CSMD1: variants seen among roughly 807,000 people sequenced by gnomAD.
The protein encoded by CSMD1 is CUB and sushi domain-containing protein 1.
A neutral mutation model predicts 417.5 loss-of-function variants in CSMD1; 213 were observed. The ratio of observed to expected loss-of-function variants is 0.51; its 90% confidence interval spans 0.46 to 0.57. CSMD1 has a LOEUF of 0.57. Among genes scored for constraint, CSMD1 ranks in the 20% least tolerant of loss-of-function variants. CSMD1 has a pLI of 0.00. For synonymous variants in CSMD1, 2,862 were observed against 1,736.8 expected, an observed-to-expected ratio of 1.65 and a Z score of -16.11; for missense variants, 6,923 against 4,529.7, an observed-to-expected ratio of 1.53 and a Z score of -15.17.
chr8:3,462,292 C>A (rs1816555542), intron 12 of CSMD1, among the ~76,000 whole-genome samples: 1 of 152,158 alleles, frequency 6.6e-6, no homozygotes, highest in South Asian at 2.1e-4. Context: ...CATCCTAGCT[C>A]CAGACCTCCC....
At chr8:4,108,796 C>A (rs1801703166) in intron 3 of CSMD1, among the ~76,000 whole-genome samples, 1 of 152,232 alleles carries the variant, frequency 6.6e-6, no homozygotes, top group Non-Finnish European at 1.5e-5. Context: ...TTCTAAAGCA[C>A]AAGCTCCTAA....
intron 2 of CSMD1, among the ~76,000 whole-genome samples, chr8:4,596,007 T>A (rs1281769853): frequency 1.3e-5 from 2 of 152,060 alleles, no homozygotes; most frequent in Non-Finnish European, 2.9e-5. Flanking sequence ...CATAACCAGA[T>A]CCACCACTTG....
At chr8:3,468,612 T>G in intron 12 of CSMD1, 100 bp downstream of exon 12, 1 of 655,568 alleles carries the variant, frequency 1.5e-6, no homozygotes, top group Non-Finnish European at 2.6e-6. Context: ...TCAGCATTGT[T>G]TGACTTGTTG....
intron 10 of CSMD1, among the ~76,000 whole-genome samples, chr8:3,525,067 A>G (rs1280411358): frequency 1.3e-5 from 2 of 152,172 alleles, no homozygotes; most frequent in Non-Finnish European, 2.9e-5. Context: ...CTCTATCTGA[A>G]AAGCCAACTA....
intron 3 of CSMD1, among the ~76,000 whole-genome samples, chr8:4,357,992 A>T (rs1390499482): frequency 6.6e-6 from 1 of 152,140 alleles, no homozygotes; most frequent in East Asian, 1.9e-4. Flanking sequence ...TATAATAAAC[A>T]TCTCCCTCCC....
At chr8:3,215,187 A>G (rs757015158) in intron 29 of CSMD1, among the ~76,000 whole-genome samples, 1 of 152,220 alleles carries the variant, frequency 6.6e-6, no homozygotes, top group Non-Finnish European at 1.5e-5. Flanking sequence ...GCACTTTCTT[A>G]TACGAATAAC....
intron 10 of CSMD1, among the ~76,000 whole-genome samples, chr8:3,516,912 T>C (rs1372849525): frequency 6.6e-6 from 1 of 152,204 alleles, no homozygotes; most frequent in Non-Finnish European, 1.5e-5. Context: ...TGCAAAATCG[T>C]AGAACCAACC....
chr8:4,515,074 C>A (rs768668212), intron 2 of CSMD1, among the ~76,000 whole-genome samples: 7 of 152,174 alleles, frequency 4.6e-5, no homozygotes, highest in Non-Finnish European at 8.8e-5. Flanking sequence ...GCAAATGATA[C>A]TTTATAATCC....
chr8:4,783,752 G>A (rs1055201998), intron 1 of CSMD1, among the ~76,000 whole-genome samples: 1 of 152,160 alleles, frequency 6.6e-6, no homozygotes, highest in African/African-American at 2.4e-5. Context: ...CCTCTTTCTA[G>A]TAGGTCATCC....
chr8:4,886,072 C>T (rs925668926), intron 1 of CSMD1, among the ~76,000 whole-genome samples: 2 of 152,066 alleles, frequency 1.3e-5, no homozygotes, highest in Non-Finnish European at 1.5e-5. Flanking sequence ...ATCACTGCAA[C>T]CTCCGTCTCC....
intron 47 of CSMD1, among the ~76,000 whole-genome samples, chr8:3,096,326 A>G (rs1453756536): frequency 1.3e-5 from 2 of 152,156 alleles, no homozygotes; most frequent in Admixed American, 1.3e-4. Context: ...CGTGGGACAA[A>G]TCTGGTGGGA....
chr8:4,255,139 T>G (rs919595395), intron 3 of CSMD1, among the ~76,000 whole-genome samples: 1 of 152,192 alleles, frequency 6.6e-6, no homozygotes, highest in African/African-American at 2.4e-5. Flanking sequence ...GTTTTTAGCA[T>G]TAAAAGAGAT....
intron 1 of CSMD1, among the ~76,000 whole-genome samples, chr8:4,940,927 G>A (rs971102260): frequency 5.3e-5 from 8 of 152,130 alleles, no homozygotes; most frequent in African/African-American, 1.2e-4. Context: ...AAGTGTTTGG[G>A]CAATATTTCT....
At chr8:4,074,787 G>C (rs1488843194) in intron 3 of CSMD1, among the ~76,000 whole-genome samples, 1 of 151,894 alleles carries the variant, frequency 6.6e-6, no homozygotes. Context: ...GTTCTCTTTA[G>C]TTATGACTGT....
intron 6 of CSMD1, among the ~76,000 whole-genome samples, chr8:3,736,168 C>T (rs534518311): frequency 3.9e-5 from 6 of 152,266 alleles, no homozygotes; most frequent in East Asian, 3.9e-4. Context: ...ATCACATCTG[C>T]GTCTAATCAT....
intron 6 of CSMD1, among the ~76,000 whole-genome samples, chr8:3,713,127 A>C (rs1028909582): frequency 6.6e-6 from 1 of 152,182 alleles, no homozygotes; most frequent in East Asian, 1.9e-4. Context: ...ATTATGGGGG[A>C]AATATTTTTA....
intron 21 of CSMD1, among the ~76,000 whole-genome samples, chr8:3,353,637 C>G (rs933104138): frequency 6.6e-6 from 1 of 152,008 alleles, no homozygotes; most frequent in African/African-American, 2.4e-5. Flanking sequence ...GTTAAGTGAC[C>G]AAAATTTCAA....
intron 5 of CSMD1, among the ~76,000 whole-genome samples, chr8:3,885,377 G>A (rs141965415): frequency 1.3e-5 from 2 of 152,144 alleles, no homozygotes; most frequent in African/African-American, 4.8e-5. Flanking sequence ...AAATATAAAA[G>A]CTTGAAGCTG....
At chr8:3,295,206 G>A (rs1030063238) in intron 25 of CSMD1, among the ~76,000 whole-genome samples, 7 of 151,926 alleles carry the variant, frequency 4.6e-5, no homozygotes, top group African/African-American at 1.7e-4. Flanking sequence ...CTCACTGGAA[G>A]CTCTGCCACC....
Sources: gnomAD v4.1 joint callset for allele counts (sites outside exome capture counted in the v4.1 genomes callset) on GRCh38, gnomAD v4.1.1 for gene constraint, MANE v1.5 for transcripts, NCBI Gene and HGNC (gene_info 2026-07-23, HGNC 2026-07-21) for gene names.